Variants in PAPSS1 observed in about 807,000 individuals in gnomAD.
The protein encoded by PAPSS1 is bifunctional 3'-phosphoadenosine 5'-phosphosulfate synthase 1.
Under a neutral mutation model 72.0 loss-of-function variants are expected in PAPSS1, and 50 were observed. The observed-to-expected ratio is 0.69, with a 90% CI of 0.55 to 0.88. The LOEUF is 0.88. Among genes scored for constraint, PAPSS1 ranks in the 40% least tolerant of loss-of-function variants. PAPSS1 has a pLI of 0.00. For missense variants in PAPSS1, 657 were observed against 782.2 expected (o/e 0.84, Z 1.91); for synonymous variants, 261 against 263.6 (o/e 0.99, Z 0.09).
intron 10 of PAPSS1, among the ~76,000 whole-genome samples, chr4:107,636,420 C>G (rs1207583970): frequency 6.6e-6 from 1 of 152,164 alleles, no homozygotes; most frequent in African/African-American, 2.4e-5. Flanking sequence ...GCCTTGATCT[C>G]TAACACAATC....
intron 11 of PAPSS1, among the ~76,000 whole-genome samples, chr4:107,631,242 T>C (rs1184164308): frequency 2.0e-5 from 3 of 152,196 alleles, no homozygotes; most frequent in African/African-American, 7.2e-5. Flanking sequence ...TGTAAATAAT[T>C]AGGACATTGC....
intron 9 of PAPSS1, among the ~76,000 whole-genome samples, chr4:107,645,586 T>C (rs1346338167): frequency 6.6e-6 from 1 of 152,246 alleles, no homozygotes; most frequent in African/African-American, 2.4e-5. Flanking sequence ...ACTAGAACCA[T>C]ATTTTGTTTT....
intron 1 of PAPSS1, among the ~76,000 whole-genome samples, chr4:107,714,568 G>A (rs1723587188): frequency 6.6e-6 from 1 of 152,000 alleles, no homozygotes; most frequent in Non-Finnish European, 1.5e-5. Context: ...AGGCTGATGG[G>A]GGAAAAAAAT....
intron 3 of PAPSS1, among the ~76,000 whole-genome samples, chr4:107,690,873 T>C (rs1722899777): frequency 6.6e-6 from 1 of 152,080 alleles, no homozygotes; most frequent in African/African-American, 2.4e-5. Flanking sequence ...CTGATAGCTC[T>C]CCATAACAGG....
Position 107,644,894 on chromosome 4 carries a change from GC to G in PAPSS1, c.1413del (p.Gln471HisfsTer11). On this transcript the variant is annotated frameshift_variant, in exon 10 of 12. Transcript: ENST00000265174. LOFTEE classifies it high-confidence loss of function. ...ACTCCTTCCTCCAACACTGCAGCAT[GC>G]TGCTTCATACGCCACATCAAAGGAA... ...DDVPLMWRMK[Q>X]HAAVLEEGVL... is the part of the protein sequence containing the mutation. The G allele has an allele frequency of 6.2e-7, 1 of 1,614,046 alleles. No individual in the cohort carries two copies. Among genetic ancestry groups the G allele is most frequent in the Non-Finnish European group, 8.5e-7 (1 of 1,179,922 alleles).
intron 1 of PAPSS1, among the ~76,000 whole-genome samples, chr4:107,716,337 C>A (rs1240730440): frequency 2.0e-5 from 3 of 152,134 alleles, no homozygotes; most frequent in African/African-American, 7.2e-5. Context: ...TAACAGGCAT[C>A]CCAGGGAGAA....
chr4:107,621,608 C>CTTTTTTTTT (rs10670438), intron 11 of PAPSS1, among the ~76,000 whole-genome samples: 597 of 48,140 alleles, frequency 0.012, 116 homozygotes, highest in African/African-American at 0.038. Flanking sequence ...GGTTTTTTAT[C>CTTTTTTTTT]TTTTTTTTTT....
intron 2 of PAPSS1, 42 bp downstream of exon 2, chr4:107,701,129 C>T (rs760030927): frequency 7.6e-7 from 1 of 1,322,736 alleles, no homozygotes; most frequent in Non-Finnish European, 1.1e-6. Flanking sequence ...TACCTATATG[C>T]ACTGCTTTTA....
Position 107,625,282 on chromosome 4 carries a change from A to C in PAPSS1, c.1736+6349T>G, listed in dbSNP as rs568915510. On this transcript the variant is annotated intron_variant, in intron 11 of 11. Coordinates refer to ENST00000265174, the MANE Select transcript of PAPSS1 (RefSeq NM_005443.5). ...ATGGCAAAAGAGATTTTGCAGATAC[A>C]ATTAAAGTTACTAATCAGTTGACCT... Among the ~76,000 whole-genome samples the C allele has an allele frequency of 2.6e-5, 4 of 152,336 alleles. No homozygotes were observed. The East Asian group carries it at 7.7e-4, about 29-fold the overall frequency.
intron 4 of PAPSS1, among the ~76,000 whole-genome samples, chr4:107,683,422 C>A (rs112643072): frequency 4.6e-5 from 7 of 152,028 alleles, no homozygotes; most frequent in Non-Finnish European, 8.8e-5. Flanking sequence ...TTCTCAAATG[C>A]GGTGATATAC....
chr4:107,691,751 A>G (rs1431867264), intron 3 of PAPSS1, among the ~76,000 whole-genome samples: 1 of 152,166 alleles, frequency 6.6e-6, no homozygotes, highest in East Asian at 1.9e-4. Context: ...GGAGACAAGA[A>G]TTACTTGAGT....
rs537160165 is a variant in PAPSS1 at position 107,697,065 on chromosome 4, G to A, written c.176-3059C>T. Among the ~76,000 whole-genome samples, 4 of 152,230 alleles carry A rather than the reference G, an allele frequency of 2.6e-5. No homozygotes were observed. In the East Asian group the frequency reaches 7.7e-4, roughly 29 times the overall value. The stretch of plus-strand genomic sequence containing the variant: ...AGCTTTTCTTTGGTCACTTAATTTG[G>A]GAGAAGCCAGTGACTAAATCCCTTG... On this transcript the variant is annotated intron_variant, in intron 2 of 11. Transcript: ENST00000265174.
At chr4:107,704,758 C>A (rs937230974) in intron 1 of PAPSS1, among the ~76,000 whole-genome samples, 8 of 152,054 alleles carry the variant, frequency 5.3e-5, no homozygotes, top group Non-Finnish European at 1.2e-4. Flanking sequence ...TGAGACCAGC[C>A]AGGCCAATGT....
chr4:107,632,626 T>C (rs1276566013), intron 10 of PAPSS1, among the ~76,000 whole-genome samples: 1 of 152,098 alleles, frequency 6.6e-6, no homozygotes, highest in African/African-American at 2.4e-5. Flanking sequence ...ATTAGTCTAA[T>C]ACCTAGAATA....
At position 107,654,779 on chromosome 4, in the gene PAPSS1, G is replaced by C. The variant is rs916449875; in HGVS notation, c.1017C>G (p.Arg339=). ...TCCTGTGCTCAAAAAACTCTGGATT[G>C]CGAAGAATGGCCACACGGCGGCCCT... is the stretch of plus-strand genomic sequence containing the variant. The part of the protein sequence containing the change: ...MYEGRRVAIL[R]NPEFFEHRKE... The change falls in exon 8 of 12, where the codon CGC becomes CGG. Residue 339 remains arginine, a synonymous_variant. Transcript: ENST00000265174. 1 of 1,613,854 alleles carries C rather than the reference G, an allele frequency of 6.2e-7. No individual in the cohort carries two copies. The highest frequency in any genetic ancestry group is 1.3e-5 in the African/African-American group (1 of 74,918).
chr4:107,699,334 G>T (rs1449520975), intron 2 of PAPSS1, among the ~76,000 whole-genome samples: 2 of 151,666 alleles, frequency 1.3e-5, no homozygotes, highest in East Asian at 3.9e-4. Flanking sequence ...AAGGTAAGAG[G>T]ACTTACTCCA....
At chr4:107,643,355 C>T (rs1018639559) in intron 10 of PAPSS1, among the ~76,000 whole-genome samples, 2 of 152,160 alleles carry the variant, frequency 1.3e-5, no homozygotes, top group Non-Finnish European at 2.9e-5. Context: ...GGGCAGCCAA[C>T]CCCTGGAAAC....
chr4:107,671,955 C>T (rs970989923), intron 5 of PAPSS1, among the ~76,000 whole-genome samples: 12 of 152,002 alleles, frequency 7.9e-5, no homozygotes, highest in African/African-American at 1.2e-4. Flanking sequence ...AACTTTCTAA[C>T]GCTGATATGG....
rs1471448146 is a variant in PAPSS1, at chr4:107,644,786, C to T, written c.1506+16G>A. ...GCTTTAACACTGCTGCAGTGAAAAT[C>T]TTACAAGCAGTCTACCTCAGTTGGT... On this transcript the variant is annotated intron_variant, in intron 10 of 11. Coordinates refer to ENST00000265174, the MANE Select transcript of PAPSS1 (RefSeq NM_005443.5). The T allele has an allele frequency of 1.3e-6, 2 of 1,592,490 alleles. No individual in the cohort carries two copies. Among genetic ancestry groups the T allele is most frequent in the Non-Finnish European group, 1.7e-6 (2 of 1,170,680 alleles).
Sources: allele counts gnomAD v4.1 joint callset (sites outside exome capture counted in the v4.1 genomes callset), GRCh38; gene constraint gnomAD v4.1.1; transcripts MANE v1.5; gene names NCBI Gene and HGNC (gene_info 2026-07-23, HGNC 2026-07-21).